The following AK5 variants were observed in gnomAD, a reference collection of about 807,000 sequenced individuals.
AK5 encodes adenylate kinase isoenzyme 5.
A neutral mutation model predicts 69.5 loss-of-function variants in AK5; 27 were observed. The ratio of observed to expected loss-of-function variants is 0.39; its 90% CI spans 0.29 to 0.54. The LOEUF (loss-of-function observed/expected upper bound fraction) is 0.54, where lower values mean the gene tolerates loss of function less well. Ranked by LOEUF, AK5 falls within the 20% of genes least tolerant of loss-of-function variation. AK5 has a pLI of 0.71. For synonymous variants in AK5, 260 were observed against 244.4 expected (o/e 1.06, Z -0.60); for missense variants, 531 against 700.4 (o/e 0.76, Z 2.73).
intron 13 of AK5, among the ~76,000 whole-genome samples, chr1:77,557,927 G>GATC (rs1317187579): frequency 7.5e-6 from 1 of 132,880 alleles, no homozygotes. Context: ...ATCGATCATT[G>GATC]ATCTTTTTAA....
intron 8 of AK5, among the ~76,000 whole-genome samples, chr1:77,443,748 T>C (rs955070854): frequency 6.6e-6 from 1 of 150,482 alleles, no homozygotes; most frequent in African/African-American, 2.4e-5. Flanking sequence ...CATAGTGATA[T>C]TGAGCTTCTA....
intron 8 of AK5, among the ~76,000 whole-genome samples, chr1:77,470,849 A>T (rs1221169678): frequency 0.016 from 32 of 2,048 alleles, 1 homozygote; most frequent in South Asian, 0.1. Context: ...ATATATATAT[A>T]TATATATATA....
intron 13 of AK5, among the ~76,000 whole-genome samples, chr1:77,551,224 A>AACACACAC (rs3077617): frequency 1.3e-5 from 2 of 149,984 alleles, no homozygotes; most frequent in African/African-American, 4.9e-5. Flanking sequence ...GGCCTTTCCC[A>AACACACAC]ACACACACAC....
At chr1:77,510,979 A>AAT (rs927530747) in intron 10 of AK5, among the ~76,000 whole-genome samples, 3 of 149,172 alleles carry the variant, frequency 2.0e-5, no homozygotes, top group Admixed American at 6.7e-5. Flanking sequence ...TGTAAAATAT[A>AAT]ATATATATAT....
rs1648658194 is a variant in AK5, at chr1:77,394,012, C to T, written c.892-16969C>T. On this transcript the variant is annotated intron_variant, in intron 6 of 13. Coordinates refer to ENST00000354567, the MANE Select transcript of AK5 (RefSeq NM_174858.3). ...GGCCTATCACTTGAAGTCAGGAGTT[C>T]GAGACCAGCCTGGCCAACATGGTGA... Among the ~76,000 whole-genome samples, 3 of 152,002 alleles carry T rather than the reference C, an allele frequency of 2.0e-5. No individual in the cohort carries two copies. In the East Asian group the frequency reaches 5.8e-4, roughly 29 times the overall value.
rs958057764 is a variant in AK5 at position 77,559,047 on chromosome 1, A to G, written c.*377A>G. The G allele has an allele frequency of 3.9e-4, 62 of 158,958 alleles. 1 individual carries two copies. Among genetic ancestry groups the G allele is most frequent in the African/African-American group, 1.4e-3 (57 of 41,814 alleles). 9.8% of individuals were successfully genotyped at this position (158,958 alleles called of 1,614,324 possible). On this transcript the variant is annotated 3_prime_UTR_variant, in exon 14 of 14. Coordinates refer to ENST00000354567, the MANE Select transcript of AK5 (RefSeq NM_174858.3). ...TCATCTGGTTCTCCTCTCATTAAGC[A>G]TCCCTAACCCCCAGTCACACCTTCC... is the stretch of plus-strand genomic sequence containing the variant.
intron 6 of AK5, among the ~76,000 whole-genome samples, chr1:77,351,951 T>G (rs899755812): frequency 2.2e-5 from 3 of 138,436 alleles, no homozygotes; most frequent in African/African-American, 2.7e-5. Context: ...TTTCTTGAGA[T>G]GGAGTTTCGC....
Position 77,501,233 on chromosome 1 carries a change from A to G in AK5, c.1147+14881A>G, listed in dbSNP as rs570492547. On this transcript the variant is annotated intron_variant, in intron 10 of 13. Coordinates refer to ENST00000354567, the MANE Select transcript of AK5 (RefSeq NM_174858.3). ...GGAAGGAGATGGGCCAAACCTTGAA[A>G]GGCCTAGATGCATGAATGTGATGTT... Among the ~76,000 whole-genome samples the G allele has an allele frequency of 7.2e-5, 11 of 152,348 alleles. No homozygotes were observed. In the East Asian group the frequency reaches 2.1e-3, roughly 29 times the overall value.
chr1:77,406,631 T>G (rs1195174478), intron 6 of AK5, among the ~76,000 whole-genome samples: 1 of 127,314 alleles, frequency 7.9e-6, no homozygotes, highest in East Asian at 2.0e-4. Flanking sequence ...CCTGGTAAGA[T>G]GGAAAGTGTC....
At chr1:77,524,955 T>G (rs1658191561) in intron 12 of AK5, among the ~76,000 whole-genome samples, 1 of 152,362 alleles carries the variant, frequency 6.6e-6, no homozygotes, top group African/African-American at 2.4e-5. Flanking sequence ...TCGCCCAGGC[T>G]GGAGTACAGT....
chr1:77,362,140 A>AT (rs1162619771), intron 6 of AK5, among the ~76,000 whole-genome samples: 4 of 151,880 alleles, frequency 2.6e-5, no homozygotes, highest in Non-Finnish European at 4.4e-5. Context: ...TGTTTGTTGG[A>AT]TTTTTTTTCT....
chr1:77,365,808 C>T (rs1646939753), intron 6 of AK5, among the ~76,000 whole-genome samples: 1 of 152,192 alleles, frequency 6.6e-6, no homozygotes, highest in South Asian at 2.1e-4. Flanking sequence ...ACTTGGGGAC[C>T]TCTGCTCTAG....
intron 8 of AK5, among the ~76,000 whole-genome samples, chr1:77,460,299 T>A (rs1444818451): frequency 6.6e-6 from 1 of 152,172 alleles, no homozygotes; most frequent in Non-Finnish European, 1.5e-5. Context: ...TGAAGAGCAT[T>A]TAGAATAGTA....
rs74680034 is a variant in AK5 at position 77,371,993 on chromosome 1, C to A, written c.891+31425C>A. Among the ~76,000 whole-genome samples, 603 of 152,258 alleles carry A rather than the reference C, an allele frequency of 4.0e-3. 11 individuals carry two copies. The East Asian group carries it at 0.041, about 10-fold the overall frequency. ...CCATGAAGGTGTGAGTTCATCTGAA[C>A]TTTTGGGTTTCTTTTATCTGCTTCT... On this transcript the variant is annotated intron_variant, in intron 6 of 13. Transcript: ENST00000354567.
At chr1:77,282,751 A>G in intron 1 of AK5, 1 of 1,022,244 alleles carries the variant, frequency 9.8e-7, no homozygotes, top group Non-Finnish European at 1.2e-6. Flanking sequence ...CAGCGAGTAA[A>G]GACTCGAAAC....
At chr1:77,540,478 C>T (rs985063376) in intron 13 of AK5, 3 of 152,200 alleles carry the variant, frequency 2.0e-5, no homozygotes, top group Admixed American at 6.5e-5. Context: ...TCAACACAGC[C>T]GTATGGACCA....
At chr1:77,397,034 A>G (rs1648879242) in intron 6 of AK5, among the ~76,000 whole-genome samples, 1 of 152,222 alleles carries the variant, frequency 6.6e-6, no homozygotes, top group Non-Finnish European at 1.5e-5. Flanking sequence ...GGTAGAGAAT[A>G]GTCAGCTACC....
At chr1:77,461,446 T>A (rs1018414009) in intron 8 of AK5, among the ~76,000 whole-genome samples, 2 of 151,500 alleles carry the variant, frequency 1.3e-5, no homozygotes, top group African/African-American at 4.9e-5. Flanking sequence ...AGTCAAAGCA[T>A]ATATAATGAC....
At chr1:77,463,356 G>A (rs1010165747) in intron 8 of AK5, among the ~76,000 whole-genome samples, 1 of 152,128 alleles carries the variant, frequency 6.6e-6, no homozygotes, top group Admixed American at 6.6e-5. Context: ...AAATGTCAAC[G>A]TGTCAATTCA....
Sources: allele counts gnomAD v4.1 joint callset (sites outside exome capture counted in the v4.1 genomes callset), GRCh38; gene constraint gnomAD v4.1.1; transcripts MANE v1.5; gene names NCBI Gene and HGNC (gene_info 2026-07-23, HGNC 2026-07-21).